NEB: variants seen among roughly 807,000 people sequenced by gnomAD.
The protein encoded by NEB is nebulin.
NEB carries 512 observed loss-of-function variants against 952.2 expected under a neutral mutation model. The ratio of observed to expected loss-of-function variants is 0.54; its 90% CI spans 0.50 to 0.58. The LOEUF (loss-of-function observed/expected upper bound fraction) is 0.58. Among genes scored for constraint, NEB ranks in the 20% least tolerant of loss-of-function variants. The pLI, the probability that NEB is intolerant of heterozygous loss-of-function variation, is 0.00. For synonymous variants in NEB, 2,900 were observed against 3,149.8 expected (o/e 0.92, Z 2.66); for missense variants, 8,428 against 9,231.1 (o/e 0.91, Z 3.56).
At position 151,518,983 on chromosome 2, in the gene NEB, T is replaced by G. The variant is rs778662915; in HGVS notation, c.22677A>C (p.Thr7559=). The G allele has an allele frequency of 6.2e-7, 1 of 1,612,914 alleles. No homozygotes were observed. The highest frequency in any genetic ancestry group is 1.3e-5 in the African/African-American group (1 of 74,920). ...AGCTTACAGAACTGGCAAGTTGGCT[T>G]GTATTCAGGACATGATTCATGATCA... ...ESLIMNHVLN[T]SQLASSYQYK... is the part of the protein sequence containing the mutation. The change falls in exon 155 of 182, where the codon ACA becomes ACC. Residue 7559 remains threonine, a synonymous_variant. Transcript: ENST00000397345.
intron 88 of NEB, among the ~76,000 whole-genome samples, chr2:151,601,401 T>C (rs2097531429): frequency 6.9e-6 from 1 of 145,430 alleles, no homozygotes; most frequent in Non-Finnish European, 1.5e-5. Context: ...TGAGCCACCA[T>C]GCCTTGCCTG....
At position 151,534,197 on chromosome 2, in the gene NEB, C is replaced by T. The variant is rs1360747437; in HGVS notation, c.21313-651G>A. ...AGCACAGTCCTGCCTGGGCCACCGG[C>T]CAGCCCCATCACAGTACCTGACTGA... is the stretch of plus-strand genomic sequence containing the variant. On this transcript the variant is annotated intron_variant, in intron 142 of 181. Coordinates refer to ENST00000397345, the MANE Select transcript of NEB (RefSeq NM_001164508.2). 6 of 1,601,002 alleles carry T rather than the reference C, an allele frequency of 3.7e-6. No homozygotes were observed. The highest frequency in any genetic ancestry group is 5.1e-6 in the Non-Finnish European group (6 of 1,169,524).
intron 181 of NEB, among the ~76,000 whole-genome samples, chr2:151,486,918 G>C (rs2050965189): frequency 1.3e-5 from 2 of 152,166 alleles, no homozygotes. Flanking sequence ...CACCAGAAGA[G>C]TTTTGAATAC....
Position 151,570,196 on chromosome 2 carries a change from T to C in NEB, c.17315A>G (p.Asn5772Ser). Residue 5772 changes from asparagine to serine, a missense_variant, in exon 109 of 182, where the codon AAT (asparagine) becomes AGT (serine). This residue lies in a region of NEB where 3,374 missense variants were observed against 3,651.5 expected (regional missense o/e 0.92). Coordinates refer to ENST00000397345, the MANE Select transcript of NEB (RefSeq NM_001164508.2). ...VDMLSILHSK[N>S]SQALVSDMDY... ...CATGTCACTGACCAGAGCCTGGGAATTTTTAGAGTGCAGGATGGAAAGCAT... is the reference window on the plus strand; with the variant it reads ...CATGTCACTGACCAGAGCCTGGGAACTTTTAGAGTGCAGGATGGAAAGCAT... 2 of 1,613,670 alleles carry C rather than the reference T, an allele frequency of 1.2e-6. No homozygotes were observed. Among genetic ancestry groups the C allele is most frequent in the African/African-American group, 2.7e-5 (2 of 75,012 alleles).
intron 126 of NEB, 117 bp downstream of exon 126, chr2:151,553,711 A>C: frequency 9.4e-7 from 1 of 1,063,218 alleles, no homozygotes; most frequent in Admixed American, 2.8e-5. Flanking sequence ...ACAAATGGAC[A>C]TATAGGGAAG....
In NEB at chr2:151,668,627, A is replaced by G. The variant is rs150240848; in HGVS notation, c.4611+400T>C. Among the ~76,000 whole-genome samples, 6 of 152,354 alleles carry G rather than the reference A, an allele frequency of 3.9e-5. No homozygotes were observed. In the East Asian group the frequency reaches 1.2e-3, roughly 29 times the overall value. ...AGACCACTCAAGAGAAAGGCTAGTT[A>G]CATACAAAAAAAGATTTTGTGAAGA... On this transcript the variant is annotated intron_variant, in intron 39 of 181. Transcript: ENST00000397345.
rs751129331 is a variant in NEB at position 151,565,559 on chromosome 2, C to A, written c.18308G>T (p.Ser6103Ile). Residue 6103 changes from serine to isoleucine, a missense_variant, in exon 116 of 182, where the codon AGT (serine) becomes ATT (isoleucine). Ser to Ile is a moderately radical substitution (Grantham distance 142). Transcript: ENST00000397345. ...AACAATCTCTGGAGGATCCACCACA[C>A]TTCTAAAGTTAGGATAGTTTTCAAG... ...NALENYPNFR[S>I]VVDPPEIVLA... The A allele has an allele frequency of 3.1e-6, 5 of 1,603,364 alleles. No individual in the cohort carries two copies. The highest frequency in any genetic ancestry group is 3.3e-4 in the Middle Eastern group (2 of 6,060).
chr2:151,640,257 C>G (rs2154104265), intron 61 of NEB, 98 bp downstream of exon 61: 1 of 1,542,562 alleles, frequency 6.5e-7, no homozygotes, highest in Non-Finnish European at 8.8e-7. Flanking sequence ...TTTGCCTCCT[C>G]CAGGGGCTGG....
rs2098817678 is a variant in NEB at position 151,639,284 on chromosome 2, C to T, written c.8990G>A (p.Ser2997Asn). ...MLARMNKINY[S>N]ESLYKLANEE... Reference sequence around the variant, plus strand: ...TGTCAAAGAATCTGCTCTCACCTCACTGTAGTTGATTTTGTTCATTCTTGC... The same window carrying T: ...TGTCAAAGAATCTGCTCTCACCTCATTGTAGTTGATTTTGTTCATTCTTGC... The change falls in exon 63 of 182, where the codon AGT becomes AAT. Residue 2997 changes from serine to asparagine, a missense_variant. Ser to Asn is a conservative substitution (Grantham distance 46, BLOSUM62 1). Transcript: ENST00000397345. 1 of 1,537,274 alleles carries T rather than the reference C, an allele frequency of 6.5e-7. No individual in the cohort carries two copies. Among genetic ancestry groups the T allele is most frequent in the Non-Finnish European group, 8.7e-7 (1 of 1,143,642 alleles).
At chr2:151,623,631 A>C (rs1197999219) in intron 71 of NEB, among the ~76,000 whole-genome samples, 3 of 152,112 alleles carry the variant, frequency 2.0e-5, no homozygotes, top group Non-Finnish European at 2.9e-5. Context: ...GTGTCAGTTT[A>C]TAGTCTTTTC....
Position 151,546,001 on chromosome 2 carries a change from TAA to T in NEB, c.20467-5_20467-4del, listed in dbSNP as rs10687343. The T allele has an allele frequency of 1.6e-3, 1,496 of 945,330 alleles. No individual in the cohort carries two copies. Among genetic ancestry groups the T allele is most frequent in the South Asian group, 2.4e-3 (157 of 64,782 alleles). The allele number at this position is 945,330 out of a possible 1,614,324, so 58.6% of individuals were successfully genotyped here. ...TTATCAGTGTATAGGTAATTAGACT[TAA>T]AAAAAAAAAAAAAAACAGAAATACA... On this transcript the variant is annotated splice_polypyrimidine_tract_variant and splice_region_variant and intron_variant, in intron 134 of 181. Transcript: ENST00000397345.
At position 151,517,290 on chromosome 2, in the gene NEB, C is replaced by G. The variant is rs545912181; in HGVS notation, c.22801-727G>C. On this transcript the variant is annotated intron_variant, in intron 156 of 181. Transcript: ENST00000397345. The stretch of plus-strand genomic sequence containing the variant: ...GGAAAAACAGGCGAAGACCCTCATG[C>G]ACGCAGCACCTTGATGGCACTGCTC... 3.3e-5 allele frequency among the ~76,000 whole-genome samples: 5 copies of G among 152,304 alleles called. No individual in the cohort carries two copies. In the East Asian group the frequency reaches 9.6e-4, roughly 29 times the overall value.
In NEB at chr2:151,623,393, C is replaced by T. The variant is rs187152462; in HGVS notation, c.10452+2141G>A. On this transcript the variant is annotated intron_variant, in intron 71 of 181. Coordinates refer to ENST00000397345, the MANE Select transcript of NEB (RefSeq NM_001164508.2). ...GTTCAGTGTACTTTTCATTGCTGAG[C>T]CTGTGTAAAGACAAAATCTTAAACA... 1.5e-3 allele frequency among the ~76,000 whole-genome samples: 230 copies of T among 152,126 alleles called. 2 individuals are homozygous for T. The highest frequency in any genetic ancestry group is 5.3e-3 in the African/African-American group (219 of 41,518).
Position 151,568,419 on chromosome 2 carries a change from TA to T in NEB, c.17635-3del, listed in dbSNP as rs3214503. 34,001 of 1,423,714 alleles carry T rather than the reference TA, an allele frequency of 0.024. 1 individual carries two copies. Among genetic ancestry groups the T allele is most frequent in the South Asian group, 0.056 (4,446 of 79,482 alleles). The allele number at this position is 1,423,714 out of a possible 1,614,324, so 88.2% of individuals were successfully genotyped here. On this transcript the variant is annotated splice_region_variant and splice_polypyrimidine_tract_variant and intron_variant, in intron 111 of 181. Transcript: ENST00000397345. ...ATTCCAGTCTTTCCGGTATTTAATC[TA>T]AAAAAAAAAAAATGAGAGGCAAGGG...
intron 52 of NEB, 71 bp downstream of exon 52, chr2:151,653,921 A>G: frequency 1.0e-6 from 1 of 968,720 alleles, no homozygotes; most frequent in South Asian, 1.4e-5. Context: ...TATCCATAAA[A>G]ATAGTTACCG....
At chr2:151,699,725 G>T (rs1287063007) in intron 13 of NEB, among the ~76,000 whole-genome samples, 1 of 101,662 alleles carries the variant, frequency 9.8e-6, no homozygotes. Context: ...TTTTTTTCTT[G>T]TAAATTTGTT....
At chr2:151,491,112 C>T (rs1403877336) in intron 179 of NEB, 1 of 153,138 alleles carries the variant, frequency 6.5e-6, no homozygotes, top group African/African-American at 2.4e-5. Flanking sequence ...CTCACTGCAG[C>T]TTCAACTTTC....
chr2:151,505,034 A>G (rs1019372503), intron 165 of NEB, among the ~76,000 whole-genome samples: 1 of 152,212 alleles, frequency 6.6e-6, no homozygotes, highest in Non-Finnish European at 1.5e-5. Context: ...GAATCCTATC[A>G]TTCATATGAT....
intron 167 of NEB, among the ~76,000 whole-genome samples, chr2:151,502,304 C>T (rs2065241023): frequency 6.6e-6 from 1 of 151,944 alleles, no homozygotes; most frequent in African/African-American, 2.4e-5. Context: ...ACCAAAATCT[C>T]ACAAGTCACC....
Sources: allele counts gnomAD v4.1 joint callset (sites outside exome capture counted in the v4.1 genomes callset), GRCh38; gene constraint gnomAD v4.1.1; regional missense constraint gnomAD v4.1.1; transcripts MANE v1.5; gene names NCBI Gene and HGNC (gene_info 2026-07-23, HGNC 2026-07-21).